The following SLCO3A1 variants were observed in gnomAD, a reference collection of about 807,000 sequenced individuals.
SLCO3A1 encodes solute carrier organic anion transporter family member 3A1, also known as PGE1 transporter.
Under a neutral mutation model 63.1 loss-of-function variants are expected in SLCO3A1, and 27 were observed. The observed-to-expected ratio is 0.43, with a 90% CI of 0.32 to 0.59. The LOEUF (loss-of-function observed/expected upper bound fraction) is 0.59, where lower values mean the gene tolerates loss of function less well. Among genes scored for constraint, SLCO3A1 ranks in the 20% least tolerant of loss-of-function variants. The probability of loss-of-function intolerance (pLI) is 0.09; values close to 1 mark genes in which losing one functional copy is unlikely to be tolerated. For synonymous variants in SLCO3A1, 473 were observed against 409.9 expected, an observed-to-expected ratio of 1.15 and a Z score of -1.86; for missense variants, 773 against 945.8, an observed-to-expected ratio of 0.82 and a Z score of 2.40.
At chr15:92,109,135 A>G (rs1485580171) in intron 4 of SLCO3A1, among the ~76,000 whole-genome samples, 1 of 152,108 alleles carries the variant, frequency 6.6e-6, no homozygotes, top group African/African-American at 2.4e-5. Context: ...GCAGGTAATG[A>G]TTGTTTTTTG....
At chr15:92,051,892 GTCT>G (rs1161334304) in intron 2 of SLCO3A1, among the ~76,000 whole-genome samples, 1 of 152,176 alleles carries the variant, frequency 6.6e-6, no homozygotes, top group African/African-American at 2.4e-5. Flanking sequence ...ACAGCAATGA[GTCT>G]TCTTTTTAAA....
chr15:91,916,302 G>A lies in SLCO3A1; in HGVS notation c.490G>A (p.Asp164Asn), dbSNP rs778398151. The change falls in exon 2 of 10, where the codon GAC becomes AAC. Residue 164 changes from aspartate (D) to asparagine (N), a missense_variant. Transcript: ENST00000318445. This position sits in a 1 kb window ranked among gnomAD's most constrained non-coding sequence, Gnocchi z 6.2. Reference sequence around the variant, plus strand: ...GGGCGGCGACGAGGGGCCCGACCCCGACCTCATCTGCCGCAACCGGACGGC... The same window carrying A: ...GGGCGGCGACGAGGGGCCCGACCCCAACCTCATCTGCCGCAACCGGACGGC... ...GSGGDEGPDPDLICRNRTATN... is the reference protein window; with the variant it reads ...GSGGDEGPDPNLICRNRTATN... 1.3e-6 allele frequency: 2 copies of A among 1,568,552 alleles called. No individual in the cohort carries two copies. The highest frequency in any genetic ancestry group is 1.4e-5 in the African/African-American group (1 of 73,966).
intron 1 of SLCO3A1, among the ~76,000 whole-genome samples, chr15:91,868,057 A>AT (rs879642512): frequency 2.6e-3 from 400 of 151,154 alleles, no homozygotes; most frequent in Admixed American, 4.9e-3. Flanking sequence ...TTTTTTTTAA[A>AT]TTTTTTTTTG....
chr15:91,884,505 C>G (rs1239139312), intron 1 of SLCO3A1, among the ~76,000 whole-genome samples: 52 of 109,484 alleles, frequency 4.7e-4, no homozygotes, highest in African/African-American at 1.7e-3. Context: ...GAGTGAGATT[C>G]TGTCTCAAAA....
chr15:92,165,343 G>A lies in SLCO3A1; in HGVS notation c.*2208G>A. On this transcript the variant is annotated 3_prime_UTR_variant, in exon 10 of 10. Transcript: ENST00000318445. ...CTTCATAAAATATGTATGTTCTGTT[G>A]TTCCTAAGGCTTTGATAATATCCTG... 3.0e-6 allele frequency: 3 copies of A among 985,128 alleles called. No individual in the cohort carries two copies. The highest frequency in any genetic ancestry group is 2.4e-6 in the Non-Finnish European group (2 of 829,692). The allele number at this position is 985,128 out of a possible 1,614,324, so 61.0% of individuals were successfully genotyped here. A position where few individuals can be genotyped will look rare whatever the true frequency, so the allele number is the denominator to read the frequency against.
intron 4 of SLCO3A1, 110 bp from the exon 5 acceptor site, chr15:92,120,355 C>A: frequency 8.7e-7 from 1 of 1,148,310 alleles, no homozygotes; most frequent in Non-Finnish European, 1.2e-6. Context: ...ATGCTGTTTG[C>A]TGAAATGGAC....
rs918767869 is a variant in SLCO3A1, at chr15:92,131,877, C to A, written c.1512+3388C>A. On this transcript the variant is annotated intron_variant, in intron 7 of 9. Coordinates refer to ENST00000318445, the MANE Select transcript of SLCO3A1 (RefSeq NM_013272.4). ...TGTGTTAGTGCCCTTCCTGCAAACC[C>A]CTATTGCCCCTGCTCTTGCCTAGCA... Among the ~76,000 whole-genome samples the A allele has an allele frequency of 5.5e-5, 8 of 146,074 alleles. 2 individuals are homozygous for A. Among genetic ancestry groups the A allele is most frequent in the African/African-American group, 2.0e-4 (8 of 40,290 alleles).
intron 1 of SLCO3A1, among the ~76,000 whole-genome samples, chr15:91,892,455 A>G (rs1897894734): frequency 6.6e-6 from 1 of 152,210 alleles, no homozygotes; most frequent in Non-Finnish European, 1.5e-5. Context: ...CCTGTGAACA[A>G]GGTAACTGGA....
rs189898518 is a variant in SLCO3A1, at chr15:91,886,407, G to A, written c.181-29586G>A. Among the ~76,000 whole-genome samples the A allele has an allele frequency of 6.6e-6, 1 of 152,220 alleles. No homozygotes were observed. The highest frequency in any genetic ancestry group is 1.9e-4 in the East Asian group (1 of 5,180). On this transcript the variant is annotated intron_variant, in intron 1 of 9. Coordinates refer to ENST00000318445, the MANE Select transcript of SLCO3A1 (RefSeq NM_013272.4). The surrounding 1 kb of genome is among the most constrained non-coding windows in gnomAD (Gnocchi z 4.9). ...CCCCTGGCCCGCTGCACCTACCTTGGGTCTGGGTGGCTCCTGTTTGTGTCC... is the reference window on the plus strand; with the variant it reads ...CCCCTGGCCCGCTGCACCTACCTTGAGTCTGGGTGGCTCCTGTTTGTGTCC...
intron 2 of SLCO3A1, among the ~76,000 whole-genome samples, chr15:92,017,630 G>C (rs1039502655): frequency 3.3e-5 from 5 of 152,158 alleles, no homozygotes; most frequent in Non-Finnish European, 7.3e-5. Context: ...GGTGATGGCT[G>C]TGGGTGGTAG....
chr15:92,000,249 A>G (rs1304816906), intron 2 of SLCO3A1, among the ~76,000 whole-genome samples: 1 of 152,198 alleles, frequency 6.6e-6, no homozygotes. Context: ...TCATGTATAC[A>G]TACAAGCACA....
intron 2 of SLCO3A1, among the ~76,000 whole-genome samples, chr15:91,949,204 T>TG (rs1018638044): frequency 1.6e-4 from 24 of 152,198 alleles, no homozygotes; most frequent in African/African-American, 5.3e-4. Context: ...AGACTGGCGC[T>TG]GGGGGGAAGG....
chr15:91,979,118 A>G (rs996944448), intron 2 of SLCO3A1, among the ~76,000 whole-genome samples: 1 of 152,218 alleles, frequency 6.6e-6, no homozygotes, highest in Non-Finnish European at 1.5e-5. Context: ...TTTCATCATT[A>G]AGCATCAAGC....
intron 2 of SLCO3A1, among the ~76,000 whole-genome samples, chr15:91,931,827 A>G (rs1396909095): frequency 6.6e-6 from 1 of 151,546 alleles, no homozygotes; most frequent in Non-Finnish European, 1.5e-5. Flanking sequence ...ACACACTCAC[A>G]CAGGAGTAGA....
chr15:92,150,971 G>C lies in SLCO3A1; in HGVS notation c.1710G>C (p.Lys570Asn). ...GTAGGACAGTCAGCCCTGAACTCAA[G>C]TCTTACGCTTTGGGAGTTCTTTTTC... is the stretch of plus-strand genomic sequence containing the variant. ...ILIRTVSPELKSYALGVLFLL... is the reference protein window; with the variant it reads ...ILIRTVSPELNSYALGVLFLL... The change falls in exon 9 of 10, where the codon AAG (lysine) becomes AAC (asparagine). Residue 570 changes from lysine (K) to asparagine (N), a missense_variant. Physicochemically the swap from Lys to Asn is moderately conservative, Grantham distance 94. Around this residue, in one of 3 missense-constraint regions of SLCO3A1, gnomAD observed 565 missense variants for 749.8 expected, o/e 0.75. Coordinates refer to ENST00000318445, the MANE Select transcript of SLCO3A1 (RefSeq NM_013272.4). 1 of 1,612,866 alleles carries C rather than the reference G, an allele frequency of 6.2e-7. No individual in the cohort carries two copies. The highest frequency in any genetic ancestry group is 8.5e-7 in the Non-Finnish European group (1 of 1,179,504).
intron 2 of SLCO3A1, among the ~76,000 whole-genome samples, chr15:92,044,639 A>G (rs1231028999): frequency 6.6e-6 from 1 of 152,030 alleles, no homozygotes; most frequent in Non-Finnish European, 1.5e-5. Flanking sequence ...TCTTCAGGTC[A>G]TCCTGTGCTC....
At chr15:92,100,414 A>T (rs1053903491) in intron 3 of SLCO3A1, among the ~76,000 whole-genome samples, 2 of 152,154 alleles carry the variant, frequency 1.3e-5, no homozygotes, top group Non-Finnish European at 2.9e-5. Flanking sequence ...TACTGTCTCT[A>T]CCTCATTTTA....
At chr15:92,082,523 G>A (rs1596083819) in intron 2 of SLCO3A1, among the ~76,000 whole-genome samples, 1 of 152,260 alleles carries the variant, frequency 6.6e-6, no homozygotes, top group South Asian at 2.1e-4. Context: ...ACCATCTAGG[G>A]TTAAAATTAC....
chr15:92,009,761 G>A (rs144796234), intron 2 of SLCO3A1, among the ~76,000 whole-genome samples: 10 of 152,210 alleles, frequency 6.6e-5, no homozygotes, highest in African/African-American at 2.4e-4. Context: ...TCAGTGTGGA[G>A]TTGTAATGAG....
Sources: gnomAD v4.1 joint callset for allele counts (sites outside exome capture counted in the v4.1 genomes callset) on GRCh38, gnomAD v4.1.1 for gene constraint, gnomAD v4.1.1 regional missense constraint, Gnocchi (gnomAD v3.1) non-coding constraint, MANE v1.5 for transcripts, NCBI Gene and HGNC (gene_info 2026-07-23, HGNC 2026-07-21) for gene names.